THSD7A: variants seen among roughly 807,000 people sequenced by gnomAD.
THSD7A encodes the protein thrombospondin type-1 domain-containing protein 7A.
Under a neutral mutation model 231.3 loss-of-function variants are expected in THSD7A, and 96 were observed. The observed-to-expected ratio is 0.41, with a 90% CI of 0.35 to 0.49. The LOEUF is 0.49. Ranked by LOEUF, THSD7A falls within the 20% of genes least tolerant of loss-of-function variation. The pLI is 0.05. For missense variants in THSD7A, 2,290 were observed against 2,070.2 expected (o/e 1.11, Z -2.06); for synonymous variants, 940 against 743.3 (o/e 1.26, Z -4.30).
intron 13 of THSD7A, among the ~76,000 whole-genome samples, chr7:11,429,803 T>C (rs1309442998): frequency 6.6e-6 from 1 of 152,230 alleles, no homozygotes; most frequent in African/African-American, 2.4e-5. Context: ...GATGACTGAC[T>C]GAGTCCAAGG....
At chr7:11,665,146 C>A (rs1243554238) in intron 1 of THSD7A, among the ~76,000 whole-genome samples, 1 of 151,978 alleles carries the variant, frequency 6.6e-6, no homozygotes, top group African/African-American at 2.4e-5. Flanking sequence ...ATTATCGGTT[C>A]TTTCTACTTA....
At chr7:11,819,507 A>T (rs1035425425) in intron 1 of THSD7A, among the ~76,000 whole-genome samples, 1 of 152,206 alleles carries the variant, frequency 6.6e-6, no homozygotes, top group Non-Finnish European at 1.5e-5. Context: ...CTGTCAAGCC[A>T]CGAAAAGGCA....
intron 24 of THSD7A, among the ~76,000 whole-genome samples, chr7:11,382,176 C>A (rs1422239745): frequency 6.6e-6 from 1 of 151,796 alleles, no homozygotes; most frequent in East Asian, 1.9e-4. Context: ...AGCAGAAAGT[C>A]AAAAAAATTG....
chr7:11,415,164 C>T (rs541515504), intron 17 of THSD7A, among the ~76,000 whole-genome samples: 1 of 152,206 alleles, frequency 6.6e-6, no homozygotes, highest in South Asian at 2.1e-4. Context: ...TCAAATATGA[C>T]AAATGTAAAG....
At chr7:11,612,541 A>G (rs1162691028) in intron 2 of THSD7A, among the ~76,000 whole-genome samples, 1 of 152,224 alleles carries the variant, frequency 6.6e-6, no homozygotes, top group Non-Finnish European at 1.5e-5. Flanking sequence ...CACATTGCAA[A>G]TCTTCAAAAG....
chr7:11,477,654 T>G (rs1397233221), intron 7 of THSD7A, among the ~76,000 whole-genome samples: 2 of 152,172 alleles, frequency 1.3e-5, no homozygotes, highest in Non-Finnish European at 1.5e-5. Flanking sequence ...TCAAGTTGGC[T>G]TCTGTGGCCT....
intron 24 of THSD7A, 155 bp from the exon 25 acceptor site, chr7:11,379,867 AC>A: frequency 1.3e-6 from 1 of 784,634 alleles, no homozygotes; most frequent in Non-Finnish European, 2.1e-6. Context: ...GTTAACCTTG[AC>A]CACCTTATGT....
At chr7:11,774,703 T>G (rs1287514735) in intron 1 of THSD7A, among the ~76,000 whole-genome samples, 1 of 152,176 alleles carries the variant, frequency 6.6e-6, no homozygotes, top group Non-Finnish European at 1.5e-5. Flanking sequence ...ATAAAAATCA[T>G]ACAATTAGCT....
rs12533956 is a variant in THSD7A, at chr7:11,501,540, T to C, written c.1823-19558A>G. Among the ~76,000 whole-genome samples, 1,278 of 152,242 alleles carry C rather than the reference T, an allele frequency of 8.4e-3. 5 individuals carry two copies. The highest frequency in any genetic ancestry group is 0.034 in the Middle Eastern group (10 of 294). ...TGCTCCTGAATGGCTTTTGGGTAAA[T>C]ACTGAAATTAAGGCATAAATCAAGA... On this transcript the variant is annotated intron_variant, in intron 6 of 27. Transcript: ENST00000423059.
At chr7:11,517,269 G>A (rs1198981911) in intron 6 of THSD7A, among the ~76,000 whole-genome samples, 1 of 151,888 alleles carries the variant, frequency 6.6e-6, no homozygotes, top group Non-Finnish European at 1.5e-5. Flanking sequence ...TAGTAGAGAC[G>A]GGGTTTCACT....
Position 11,474,461 on chromosome 7 carries a change from C to G in THSD7A, c.2125G>C (p.Glu709Gln), listed in dbSNP as rs775970005. The change falls in exon 8 of 28, where the codon GAG becomes CAG. Residue 709 changes from glutamate (E) to glutamine (Q), a missense_variant. Glu to Gln is a conservative substitution (Grantham distance 29, BLOSUM62 2). Transcript: ENST00000423059. This position sits in a 1 kb window ranked among gnomAD's most constrained non-coding sequence, Gnocchi z 4.1. ...WQTGPWGQCIEDTSVSSFNTT... is the reference protein window; with the variant it reads ...WQTGPWGQCIQDTSVSSFNTT... ...TTGAAGGACGATACTGAGGTGTCCT[C>G]AATGCACTGGCCCCAGGGACCAGTT... 1 of 1,613,606 alleles carries G rather than the reference C, an allele frequency of 6.2e-7. No homozygotes were observed. Among genetic ancestry groups the G allele is most frequent in the Non-Finnish European group, 8.5e-7 (1 of 1,179,618 alleles).
intron 4 of THSD7A, among the ~76,000 whole-genome samples, chr7:11,572,344 C>G (rs1197408210): frequency 2.0e-5 from 3 of 152,174 alleles, no homozygotes; most frequent in Non-Finnish European, 4.4e-5. Context: ...TATCACTTAG[C>G]CTTCCTTTTG....
chr7:11,481,711 C>G, intron 7 of THSD7A, 77 bp downstream of exon 7: 1 of 1,401,094 alleles, frequency 7.1e-7, no homozygotes, highest in Non-Finnish European at 9.6e-7. Context: ...AGAATATCAT[C>G]TTTTCCAGGC....
chr7:11,371,142 A>T lies in THSD7A; in HGVS notation c.*4652T>A, dbSNP rs1467187389. ...GAAACACAGAAAAATAAAAATGCAAAATTAACTGTTTAGCATTAGTTTCAT... is the reference window on the plus strand; with the variant it reads ...GAAACACAGAAAAATAAAAATGCAATATTAACTGTTTAGCATTAGTTTCAT... On this transcript the variant is annotated 3_prime_UTR_variant, in exon 28 of 28. Coordinates refer to ENST00000423059, the MANE Select transcript of THSD7A (RefSeq NM_015204.3). 1 of 152,212 alleles carries T rather than the reference A, an allele frequency of 6.6e-6. No homozygotes were observed. The highest frequency in any genetic ancestry group is 1.5e-5 in the Non-Finnish European group (1 of 68,042). The allele number at this position is 152,212 out of a possible 1,614,324, so 9.4% of individuals were successfully genotyped here. A position where few individuals can be genotyped will look rare whatever the true frequency, so the allele number is the denominator to read the frequency against.
intron 1 of THSD7A, among the ~76,000 whole-genome samples, chr7:11,827,205 G>C (rs554756415): frequency 6.6e-6 from 1 of 152,182 alleles, no homozygotes; most frequent in African/African-American, 2.4e-5. Flanking sequence ...TTTAATATCT[G>C]AAATTCTGGG....
intron 1 of THSD7A, among the ~76,000 whole-genome samples, chr7:11,642,226 G>T (rs1170416337): frequency 6.6e-6 from 1 of 152,176 alleles, no homozygotes; most frequent in African/African-American, 2.4e-5. Context: ...ACATTACTAA[G>T]AGTGGGAGGT....
At chr7:11,757,697 G>T (rs1161782459) in intron 1 of THSD7A, among the ~76,000 whole-genome samples, 1 of 151,758 alleles carries the variant, frequency 6.6e-6, no homozygotes, top group East Asian at 1.9e-4. Context: ...TCTGTTTTTT[G>T]ATTCTCCAGA....
chr7:11,623,016 A>C (rs1781368814), intron 2 of THSD7A, among the ~76,000 whole-genome samples: 1 of 152,304 alleles, frequency 6.6e-6, no homozygotes, highest in Non-Finnish European at 1.5e-5. Flanking sequence ...AAGAAAAAGT[A>C]ATTCATGATT....
intron 1 of THSD7A, among the ~76,000 whole-genome samples, chr7:11,644,622 T>A (rs895788209): frequency 6.6e-6 from 1 of 152,012 alleles, no homozygotes. Flanking sequence ...TATATAAGAA[T>A]GTCAAATTAC....
Sources: gnomAD v4.1 joint callset for allele counts (sites outside exome capture counted in the v4.1 genomes callset) on GRCh38, gnomAD v4.1.1 for gene constraint, Gnocchi (gnomAD v3.1) non-coding constraint, MANE v1.5 for transcripts, NCBI Gene and HGNC (gene_info 2026-07-23, HGNC 2026-07-21) for gene names.